LAMA2: variants seen among roughly 807,000 people sequenced by gnomAD.
LAMA2 encodes the protein laminin subunit alpha-2.
Under a neutral mutation model 364.8 loss-of-function variants are expected in LAMA2, and 269 were observed. The ratio of observed to expected loss-of-function variants is 0.74; its 90% CI spans 0.67 to 0.82. The LOEUF is 0.82. Among genes scored for constraint, LAMA2 ranks in the 40% least tolerant of loss-of-function variants. LAMA2 has a pLI of 0.00. For synonymous variants in LAMA2, 1,379 were observed against 1,370.6 expected, an observed-to-expected ratio of 1.01 and a Z score of -0.14; for missense variants, 3,807 against 3,873.2, an observed-to-expected ratio of 0.98 and a Z score of 0.45.
At chr6:129,418,134 C>A (rs1780894208) in intron 40 of LAMA2, among the ~76,000 whole-genome samples, 1 of 152,260 alleles carries the variant, frequency 6.6e-6, no homozygotes, top group East Asian at 1.9e-4. Context: ...GAAGAGTTTT[C>A]ATCGCCTGCT....
At chr6:128,928,715 C>T (rs1224921503) in intron 1 of LAMA2, among the ~76,000 whole-genome samples, 1 of 152,158 alleles carries the variant, frequency 6.6e-6, no homozygotes, top group African/African-American at 2.4e-5. Context: ...TAGTAATGCT[C>T]ATCAGAATTT....
At chr6:129,389,206 G>C (rs1250649003) in intron 35 of LAMA2, among the ~76,000 whole-genome samples, 1 of 152,166 alleles carries the variant, frequency 6.6e-6, no homozygotes, top group Non-Finnish European at 1.5e-5. Context: ...CTACCACAGG[G>C]CTAGGAATGG....
Position 129,312,742 on chromosome 6 carries a change from C to T in LAMA2, c.3175-119C>T, listed in dbSNP as rs1275477981. ...GTGACTAAACTAGAATAGTACAAAG[C>T]CTATAACAGATACATGATTAATATG... On this transcript the variant is annotated intron_variant, in intron 22 of 64. Transcript: ENST00000421865. 9.2e-6 allele frequency: 7 copies of T among 762,668 alleles called. No homozygotes were observed. In the African/African-American group the frequency reaches 1.0e-4, roughly 11 times the overall value. 47.2% of individuals were successfully genotyped at this position (762,668 alleles called of 1,614,324 possible).
intron 34 of LAMA2, among the ~76,000 whole-genome samples, chr6:129,378,867 G>T (rs560058696): frequency 1.3e-5 from 2 of 152,286 alleles, no homozygotes; most frequent in East Asian, 1.9e-4. Context: ...GGAAGAGTAA[G>T]TGAGACACAC....
chr6:129,441,076 G>A (rs966202915), intron 43 of LAMA2, 78 bp downstream of exon 43: 61 of 1,244,412 alleles, frequency 4.9e-5, no homozygotes, highest in African/African-American at 3.4e-4. Flanking sequence ...GTAAATGCTC[G>A]AGTTGGAAAG....
At chr6:128,918,724 C>T (rs1778509697) in intron 1 of LAMA2, among the ~76,000 whole-genome samples, 1 of 152,180 alleles carries the variant, frequency 6.6e-6, no homozygotes, top group African/African-American at 2.4e-5. Context: ...TGATTTGTGA[C>T]TCTGAGCCCC....
At chr6:129,478,901 G>A (rs1473027370) in intron 54 of LAMA2, 88 bp downstream of exon 54, 1 of 1,208,762 alleles carries the variant, frequency 8.3e-7, no homozygotes, top group African/African-American at 1.5e-5. Flanking sequence ...TCAGTCTTTT[G>A]TTAATATATT....
intron 12 of LAMA2, among the ~76,000 whole-genome samples, chr6:129,237,597 G>A (rs968927373): frequency 2.6e-5 from 4 of 152,116 alleles, no homozygotes; most frequent in African/African-American, 9.7e-5. Flanking sequence ...GCCTCCCAAA[G>A]TGCTGGGATT....
intron 2 of LAMA2, among the ~76,000 whole-genome samples, chr6:129,055,773 T>C (rs1389347338): frequency 6.6e-6 from 1 of 152,236 alleles, no homozygotes; most frequent in Admixed American, 6.5e-5. Context: ...GCTAGCAGTT[T>C]GAAAGGTTTA....
At chr6:128,988,956 G>T (rs1441797844) in intron 1 of LAMA2, among the ~76,000 whole-genome samples, 1 of 152,122 alleles carries the variant, frequency 6.6e-6, no homozygotes, top group Non-Finnish European at 1.5e-5. Context: ...TCAAGAAATA[G>T]TAAAGGATTA....
At chr6:129,107,216 C>G (rs1280850784) in intron 4 of LAMA2, among the ~76,000 whole-genome samples, 1 of 152,174 alleles carries the variant, frequency 6.6e-6, no homozygotes, top group Non-Finnish European at 1.5e-5. Flanking sequence ...AGTAAACCAT[C>G]TAATATGTGC....
In LAMA2 at chr6:128,890,542, T is replaced by TACAC. The variant is rs56972149; in HGVS notation, c.112+7209_112+7212dup. ...TCTTGAAGGGTCTTTTTCATTTAAA[T>TACAC]ACACACACACACACACACACACACA... On this transcript the variant is annotated intron_variant, in intron 1 of 64. Coordinates refer to ENST00000421865, the MANE Select transcript of LAMA2 (RefSeq NM_000426.4). Among the ~76,000 whole-genome samples the TACAC allele has an allele frequency of 9.6e-3, 1,419 of 147,420 alleles. 21 individuals are homozygous for TACAC. The highest frequency in any genetic ancestry group is 0.031 in the African/African-American group (1,246 of 40,252).
intron 17 of LAMA2, among the ~76,000 whole-genome samples, chr6:129,276,650 A>C (rs1354235115): frequency 6.6e-6 from 1 of 152,064 alleles, no homozygotes; most frequent in Non-Finnish European, 1.5e-5. Context: ...GCTCTGAATC[A>C]TTTACCTGTT....
intron 28 of LAMA2, among the ~76,000 whole-genome samples, chr6:129,322,616 A>G (rs1048143751): frequency 6.6e-6 from 1 of 152,182 alleles, no homozygotes; most frequent in African/African-American, 2.4e-5. Flanking sequence ...CTGCAATATT[A>G]TTTTGCTATA....
chr6:129,114,062 TAA>T (rs1396319262), intron 4 of LAMA2, among the ~76,000 whole-genome samples: 2 of 152,004 alleles, frequency 1.3e-5, no homozygotes, highest in African/African-American at 4.8e-5. Context: ...CCAAGGATAC[TAA>T]AATTTGTTTT....
intron 55 of LAMA2, among the ~76,000 whole-genome samples, chr6:129,483,853 A>T (rs1784472733): frequency 6.6e-6 from 1 of 152,218 alleles, no homozygotes. Flanking sequence ...ATTGCATTTC[A>T]TTTAAAAAAG....
chr6:129,065,624 T>TA (rs1480663318), intron 3 of LAMA2, among the ~76,000 whole-genome samples: 2 of 152,058 alleles, frequency 1.3e-5, no homozygotes, highest in South Asian at 2.1e-4. Flanking sequence ...GAACTATCTT[T>TA]AAAAAAATCA....
intron 4 of LAMA2, among the ~76,000 whole-genome samples, chr6:129,140,285 G>T (rs1778048799): frequency 6.6e-6 from 1 of 152,016 alleles, no homozygotes; most frequent in African/African-American, 2.4e-5. Flanking sequence ...AGGATTATTT[G>T]GGTGAACAGA....
chr6:129,385,895 T>C (rs1778987984), intron 35 of LAMA2, among the ~76,000 whole-genome samples: 2 of 152,174 alleles, frequency 1.3e-5, no homozygotes, highest in African/African-American at 2.4e-5. Flanking sequence ...AAAACAGTTT[T>C]GCTTCTCCTG....
Sources: allele counts gnomAD v4.1 joint callset (sites outside exome capture counted in the v4.1 genomes callset), GRCh38; gene constraint gnomAD v4.1.1; transcripts MANE v1.5; gene names NCBI Gene and HGNC (gene_info 2026-07-23, HGNC 2026-07-21).